EYA4: variants seen among roughly 807,000 people sequenced by gnomAD.
EYA4 encodes the protein EYA transcriptional coactivator and phosphatase 4, also known as protein phosphatase EYA4.
A neutral mutation model predicts 87.9 loss-of-function variants in EYA4; 31 were observed. That is an observed-to-expected ratio of 0.35 (90% confidence interval 0.27 to 0.48). The LOEUF is 0.48. EYA4 is among the 20% of genes least tolerant of loss of function. The pLI is 0.99. For synonymous variants in EYA4, 263 were observed against 270.6 expected, an observed-to-expected ratio of 0.97 and a Z score of 0.28; for missense variants, 678 against 761.4, an observed-to-expected ratio of 0.89 and a Z score of 1.29.
At chr6:133,388,654 T>G (rs191748982) in intron 3 of EYA4, among the ~76,000 whole-genome samples, 5 of 152,280 alleles carry the variant, frequency 3.3e-5, no homozygotes, top group African/African-American at 1.2e-4. Flanking sequence ...CCCTTCTCAT[T>G]GTTACTCAGA....
At chr6:133,501,075 G>A (rs1052579296) in intron 13 of EYA4, among the ~76,000 whole-genome samples, 2 of 151,948 alleles carry the variant, frequency 1.3e-5, no homozygotes, top group South Asian at 4.2e-4. Flanking sequence ...TGGGCTCTGT[G>A]TATGTTCGCT....
chr6:133,444,976 A>C (rs1355248258), intron 3 of EYA4, among the ~76,000 whole-genome samples: 2 of 152,144 alleles, frequency 1.3e-5, no homozygotes, highest in African/African-American at 4.8e-5. Flanking sequence ...CGAGTGTGCC[A>C]TCTTGCTTTG....
intron 17 of EYA4, among the ~76,000 whole-genome samples, chr6:133,519,052 C>G (rs1295431329): frequency 6.6e-6 from 1 of 151,238 alleles, no homozygotes; most frequent in Non-Finnish European, 1.5e-5. Context: ...CAGGAAAGAT[C>G]CAAAATTGAC....
At position 133,529,042 on chromosome 6, in the gene EYA4, G is replaced by A; in HGVS notation, c.*237G>A. 7.8e-7 allele frequency: 1 copy of A among 1,288,168 alleles called. No individual in the cohort carries two copies. Among genetic ancestry groups the A allele is most frequent in the South Asian group, 1.5e-5 (1 of 64,518 alleles). 79.8% of individuals were successfully genotyped at this position (1,288,168 alleles called of 1,614,324 possible). On this transcript the variant is annotated 3_prime_UTR_variant, in exon 20 of 20. Coordinates refer to ENST00000355286, the MANE Select transcript of EYA4 (RefSeq NM_004100.5). ...ACTTTAATGGGTTTTTTAAAAATCT[G>A]TGGAGGTTGCTGGTACACACCAAAT... is the stretch of plus-strand genomic sequence containing the variant.
At chr6:133,394,303 T>G (rs918471256) in intron 3 of EYA4, among the ~76,000 whole-genome samples, 1 of 144,290 alleles carries the variant, frequency 6.9e-6, no homozygotes, top group African/African-American at 2.7e-5. Context: ...TTTTTTTTTT[T>G]TTTTTTTTTT....
At chr6:133,414,473 C>T (rs1226179428) in intron 3 of EYA4, among the ~76,000 whole-genome samples, 1 of 152,132 alleles carries the variant, frequency 6.6e-6, no homozygotes, top group African/African-American at 2.4e-5. Flanking sequence ...AGACTTTGAG[C>T]TTCTCATTCC....
At chr6:133,494,807 C>A (rs1797491849) in intron 13 of EYA4, among the ~76,000 whole-genome samples, 2 of 151,608 alleles carry the variant, frequency 1.3e-5, no homozygotes, top group South Asian at 2.1e-4. Flanking sequence ...GCCATGTTCA[C>A]ACCACTGCAT....
intron 2 of EYA4, among the ~76,000 whole-genome samples, chr6:133,347,540 A>G (rs376005053): frequency 6.6e-6 from 1 of 152,186 alleles, no homozygotes; most frequent in Non-Finnish European, 1.5e-5. Context: ...TTAATAGGAA[A>G]TACGGAAAAG....
At chr6:133,318,619 CTTT>C (rs780824574) in intron 2 of EYA4, among the ~76,000 whole-genome samples, 1 of 107,950 alleles carries the variant, frequency 9.3e-6, no homozygotes, top group African/African-American at 3.0e-5. Context: ...TTAAGCCATT[CTTT>C]TTTTTTTTTT....
At chr6:133,331,723 A>G (rs1210565821) in intron 2 of EYA4, among the ~76,000 whole-genome samples, 1 of 152,192 alleles carries the variant, frequency 6.6e-6, no homozygotes, top group Admixed American at 6.5e-5. Context: ...TAATTGACCA[A>G]TACCTTCAGA....
At chr6:133,303,465 G>T (rs1186700144) in intron 2 of EYA4, among the ~76,000 whole-genome samples, 2 of 152,126 alleles carry the variant, frequency 1.3e-5, no homozygotes, top group Admixed American at 6.6e-5. Context: ...TGCAGCCAGT[G>T]GTATGAACCT....
At chr6:133,447,179 CT>C (rs895201202) in intron 4 of EYA4, among the ~76,000 whole-genome samples, 5 of 151,768 alleles carry the variant, frequency 3.3e-5, no homozygotes, top group African/African-American at 9.7e-5. Context: ...CTTAAAAGTG[CT>C]TTTTTAAAAA....
At chr6:133,251,914 C>A (rs1774936391) in intron 1 of EYA4, among the ~76,000 whole-genome samples, 1 of 152,176 alleles carries the variant, frequency 6.6e-6, no homozygotes, top group Non-Finnish European at 1.5e-5. Context: ...CAAGTTTAAA[C>A]ATGAAGTCAA....
chr6:133,513,237 T>C (rs1477454507), intron 16 of EYA4, among the ~76,000 whole-genome samples, 199 bp downstream of exon 16: 1 of 152,208 alleles, frequency 6.6e-6, no homozygotes, highest in Non-Finnish European at 1.5e-5. Context: ...TCACATAAAT[T>C]GGGAATTCTT....
chr6:133,506,346 C>T, intron 14 of EYA4, 151 bp downstream of exon 14: 1 of 573,140 alleles, frequency 1.7e-6, no homozygotes, highest in South Asian at 2.1e-5. Flanking sequence ...ATTGTATATA[C>T]AAATATAAGC....
At chr6:133,426,870 T>C (rs1790717919) in intron 3 of EYA4, among the ~76,000 whole-genome samples, 1 of 152,256 alleles carries the variant, frequency 6.6e-6, no homozygotes, top group Non-Finnish European at 1.5e-5. Flanking sequence ...TCTATATCTA[T>C]CTATTTATAT....
intron 19 of EYA4, 46 bp from the exon 20 acceptor site, chr6:133,528,679 T>G: frequency 3.8e-6 from 5 of 1,306,896 alleles, no homozygotes; most frequent in Non-Finnish European, 5.6e-6. Flanking sequence ...CCATGCCTCA[T>G]TCCTTCCCCT....
chr6:133,331,027 GTTTT>G (rs71636692), intron 2 of EYA4, among the ~76,000 whole-genome samples: 108 of 113,690 alleles, frequency 9.5e-4, no homozygotes, highest in African/African-American at 3.7e-3. Flanking sequence ...AACCAAACGG[GTTTT>G]TTTTTTTTTT....
chr6:133,369,248 A>G (rs983505971), intron 2 of EYA4, among the ~76,000 whole-genome samples: 1 of 152,114 alleles, frequency 6.6e-6, no homozygotes, highest in Non-Finnish European at 1.5e-5. Context: ...ATATCAGATA[A>G]TAGCATTATT....
Sources: allele counts gnomAD v4.1 joint callset (sites outside exome capture counted in the v4.1 genomes callset), GRCh38; gene constraint gnomAD v4.1.1; transcripts MANE v1.5; gene names NCBI Gene and HGNC (gene_info 2026-07-23, HGNC 2026-07-21).